Variants in CATSPERB observed in about 807,000 individuals in gnomAD.
CATSPERB encodes cation channel sperm-associated auxiliary subunit beta.
CATSPERB carries 93 observed loss-of-function variants against 128.3 expected under a neutral mutation model. That is an observed-to-expected ratio of 0.72 (90% CI 0.61 to 0.86). CATSPERB has a LOEUF of 0.86. CATSPERB is among the 40% of genes least tolerant of loss of function. The probability of loss-of-function intolerance (pLI) is 0.00; values close to 1 mark genes in which losing one functional copy is unlikely to be tolerated. For missense variants in CATSPERB, 1,153 were observed against 1,329.5 expected (o/e 0.87, Z 2.06); for synonymous variants, 381 against 448.8 (o/e 0.85, Z 1.91).
At chr14:91,585,352 C>T (rs577526412) in intron 26 of CATSPERB, among the ~76,000 whole-genome samples, 1 of 152,100 alleles carries the variant, frequency 6.6e-6, no homozygotes, top group Non-Finnish European at 1.5e-5. Flanking sequence ...AATGTTAGAC[C>T]TTCTGATACT....
intron 25 of CATSPERB, among the ~76,000 whole-genome samples, chr14:91,587,622 G>A (rs368427761): frequency 1.3e-5 from 2 of 150,234 alleles, no homozygotes; most frequent in East Asian, 3.9e-4. Flanking sequence ...ACAATTATCT[G>A]TATTATACCA....
At chr14:91,665,056 A>ATT (rs145367061) in intron 14 of CATSPERB, among the ~76,000 whole-genome samples, 11 of 151,130 alleles carry the variant, frequency 7.3e-5, no homozygotes, top group South Asian at 2.1e-4. Context: ...CACCTGGATA[A>ATT]TTTTTTTTTA....
intron 26 of CATSPERB, among the ~76,000 whole-genome samples, chr14:91,584,091 G>A (rs191712026): frequency 6.6e-6 from 1 of 151,860 alleles, no homozygotes; most frequent in Admixed American, 6.6e-5. Context: ...TTGAGACAGA[G>A]TCTCACTCTG....
chr14:91,684,052 G>A, intron 10 of CATSPERB, 109 bp from the exon 11 acceptor site: 1 of 638,360 alleles, frequency 1.6e-6, no homozygotes, highest in South Asian at 2.3e-5. Flanking sequence ...TCAGGAATGT[G>A]AGGCAAAGAG....
rs1008094113 is a variant in CATSPERB at position 91,604,355 on chromosome 14, C to T, written c.2709+3939G>A. 24 of 828,754 alleles carry T rather than the reference C, an allele frequency of 2.9e-5. No individual in the cohort carries two copies. In the African/African-American group the frequency reaches 3.5e-4, roughly 12 times the overall value. 51.3% of individuals were successfully genotyped at this position (828,754 alleles called of 1,614,324 possible). A position where few individuals can be genotyped will look rare whatever the true frequency, so the allele number is the denominator to read the frequency against. ...ATGGGAGGAGGGGAGAGGAAGGATT[C>T]AGCCAGTGCCCAGACTGAAATTGAT... On this transcript the variant is annotated intron_variant, in intron 22 of 26. Transcript: ENST00000256343.
intron 7 of CATSPERB, among the ~76,000 whole-genome samples, chr14:91,701,945 T>C (rs1008414882): frequency 6.6e-6 from 1 of 151,704 alleles, no homozygotes; most frequent in Non-Finnish European, 1.5e-5. Flanking sequence ...TTTAGGCAGT[T>C]GCAGCTTGAT....
At chr14:91,586,808 A>C (rs1893310112) in intron 26 of CATSPERB, among the ~76,000 whole-genome samples, 1 of 152,224 alleles carries the variant, frequency 6.6e-6, no homozygotes, top group African/African-American at 2.4e-5. Flanking sequence ...GACAATGATT[A>C]CAGTTCAAAC....
In CATSPERB at chr14:91,669,845, C is replaced by T. The variant is rs768019574; in HGVS notation, c.1256G>A (p.Arg419Gln). Residue 419 changes from arginine to glutamine, a missense_variant, in exon 14 of 27, where the codon CGA (arginine) becomes CAA (glutamine). Transcript: ENST00000256343. ...GCCATAAGCATACAAAAAGTGGCTTCGGGGATGAAATACCATTCCAACGGG... is the reference window on the plus strand; with the variant it reads ...GCCATAAGCATACAAAAAGTGGCTTTGGGGATGAAATACCATTCCAACGGG... ...SSPVGMVFHP[R>Q]SHFLYAYGNQ... The T allele has an allele frequency of 1.1e-5, 18 of 1,612,538 alleles. No homozygotes were observed. Among genetic ancestry groups the T allele is most frequent in the Admixed American group, 5.0e-5 (3 of 59,628 alleles).
chr14:91,637,298 A>G (rs1226418636), intron 16 of CATSPERB, among the ~76,000 whole-genome samples: 1 of 152,152 alleles, frequency 6.6e-6, no homozygotes, highest in African/African-American at 2.4e-5. Context: ...TAGTGCCTCC[A>G]AGACTCATCT....
chr14:91,586,600 T>G (rs1479232026), intron 26 of CATSPERB, among the ~76,000 whole-genome samples: 1 of 78,612 alleles, frequency 1.3e-5, no homozygotes, highest in East Asian at 6.1e-4. Context: ...AGAGACAGAA[T>G]GTTAATGTAA....
intron 5 of CATSPERB, among the ~76,000 whole-genome samples, chr14:91,715,357 T>C (rs1187760676): frequency 6.6e-6 from 1 of 151,894 alleles, no homozygotes; most frequent in African/African-American, 2.4e-5. Flanking sequence ...AGGTTAGGAC[T>C]TTGAGACCAG....
intron 22 of CATSPERB, among the ~76,000 whole-genome samples, chr14:91,601,520 A>T (rs933285384): frequency 6.6e-6 from 1 of 152,124 alleles, no homozygotes; most frequent in African/African-American, 2.4e-5. Context: ...TTTTGTAGGA[A>T]ATTGTTTACG....
At chr14:91,593,890 G>C (rs1466661201) in intron 22 of CATSPERB, among the ~76,000 whole-genome samples, 2 of 126,002 alleles carry the variant, frequency 1.6e-5, no homozygotes, top group African/African-American at 2.9e-5. Flanking sequence ...GGACCCAGGG[G>C]GAAGTCATTG....
intron 22 of CATSPERB, chr14:91,603,028 T>C: frequency 1.3e-6 from 1 of 778,878 alleles, no homozygotes; most frequent in Non-Finnish European, 2.4e-6. Context: ...TATTAGTGAG[T>C]GATGTGCCTT....
At position 91,617,591 on chromosome 14, in the gene CATSPERB, TC is replaced by T. The variant is rs1413513010; in HGVS notation, c.2400+5del. On this transcript the variant is annotated splice_donor_5th_base_variant and intron_variant, in intron 20 of 26. Transcript: ENST00000256343. ...AGAAATGTTTTGTAAATGAAGAAAA[TC>T]CTACCTGATGTAAAACTTTGCTAGC... 1 of 1,571,010 alleles carries T rather than the reference TC, an allele frequency of 6.4e-7. No individual in the cohort carries two copies. Among genetic ancestry groups the T allele is most frequent in the Admixed American group, 2.2e-5 (1 of 46,476 alleles).
intron 22 of CATSPERB, chr14:91,604,757 T>C: frequency 6.2e-7 from 1 of 1,613,862 alleles, no homozygotes; most frequent in Non-Finnish European, 8.5e-7. Context: ...CCCAGTCATG[T>C]TCACCAGGCA....
Position 91,687,010 on chromosome 14 carries a change from G to T in CATSPERB, c.865-3067C>A, listed in dbSNP as rs750782189. Among the ~76,000 whole-genome samples the T allele has an allele frequency of 4.0e-5, 6 of 151,828 alleles. No individual in the cohort carries two copies. In the South Asian group the frequency reaches 1.0e-3, roughly 26 times the overall value. On this transcript the variant is annotated intron_variant, in intron 10 of 26. Transcript: ENST00000256343. ...CCTATGATAATTATTGATAAGTGAA[G>T]AAAATAATTTAGCATACTTTGTATA... is the stretch of plus-strand genomic sequence containing the variant.
intron 14 of CATSPERB, among the ~76,000 whole-genome samples, chr14:91,665,765 G>A (rs1894973469): frequency 6.6e-6 from 1 of 152,138 alleles, no homozygotes; most frequent in African/African-American, 2.4e-5. Context: ...AGCTACTTGG[G>A]AGGCTGAGGC....
Position 91,604,473 on chromosome 14 carries a change from A to G in CATSPERB, c.2709+3821T>C, listed in dbSNP as rs1306890302. 4.5e-6 allele frequency: 7 copies of G among 1,565,164 alleles called. No homozygotes were observed. In the African/African-American group the frequency reaches 9.4e-5, roughly 21 times the overall value. On this transcript the variant is annotated intron_variant, in intron 22 of 26. Coordinates refer to ENST00000256343, the MANE Select transcript of CATSPERB (RefSeq NM_024764.4). ...TCCACAGCTTGTGGAGTACTAAAAT[A>G]CCTAGTGGTCTGCTGTATTACATTA...
Sources: allele counts gnomAD v4.1 joint callset (sites outside exome capture counted in the v4.1 genomes callset), GRCh38; gene constraint gnomAD v4.1.1; transcripts MANE v1.5; gene names NCBI Gene and HGNC (gene_info 2026-07-23, HGNC 2026-07-21).